Variants in WIPI1 observed in about 807,000 individuals in gnomAD.
WIPI1 encodes WD repeat domain, phosphoinositide interacting 1.
Under a neutral mutation model 55.3 loss-of-function variants are expected in WIPI1, and 45 were observed. The ratio of observed to expected loss-of-function variants is 0.81; its 90% confidence interval spans 0.64 to 1.04. The LOEUF is 1.04. Among genes scored for constraint, WIPI1 ranks in the 50% least tolerant of loss-of-function variants. The pLI is 0.00. For synonymous variants in WIPI1, 195 were observed against 217.6 expected, an observed-to-expected ratio of 0.90 and a Z score of 0.92; for missense variants, 445 against 559.0, an observed-to-expected ratio of 0.80 and a Z score of 2.06.
rs369622974 is a variant in WIPI1 at position 68,426,047 on chromosome 17, C to T, written c.1293+28G>A. ...TTCCTTCTAAGCACACAGACTGAGC[C>T]GCCCAGTTACGGGTTCCTAATGCTC... On this transcript the variant is annotated intron_variant, in intron 12 of 12. Coordinates refer to ENST00000262139, the MANE Select transcript of WIPI1 (RefSeq NM_017983.7). The T allele has an allele frequency of 9.5e-5, 152 of 1,596,166 alleles. 1 individual carries two copies. Among genetic ancestry groups the T allele is most frequent in the African/African-American group, 8.4e-4 (63 of 74,652 alleles).
chr17:68,428,552 AC>A, intron 10 of WIPI1: 1 of 286,364 alleles, frequency 3.5e-6, no homozygotes, highest in Non-Finnish European at 6.7e-6. Context: ...ATTTTTGAAC[AC>A]CCACTGTGAG....
chr17:68,428,265 CTG>C (rs1350989466), intron 10 of WIPI1: 1 of 151,052 alleles, frequency 6.6e-6, no homozygotes, highest in African/African-American at 2.5e-5. Context: ...GGGTCTCACT[CTG>C]TTGTCCAGGC....
chr17:68,424,413 G>A (rs757919596), intron 12 of WIPI1: 9 of 533,680 alleles, frequency 1.7e-5, no homozygotes, highest in East Asian at 1.1e-4. Context: ...ACGGATCTGC[G>A]GGAGAAAGAA....
Position 68,435,715 on chromosome 17 carries a change from G to C in WIPI1, c.529-3C>G. ...GCAGCAATAGTGCAGACTGTTTTCT[G>C]TTGGTGAAAAGGAAAAATGGATACA... On this transcript the variant is annotated splice_polypyrimidine_tract_variant and splice_region_variant and intron_variant, in intron 5 of 12. Coordinates refer to ENST00000262139, the MANE Select transcript of WIPI1 (RefSeq NM_017983.7). 6.2e-7 allele frequency: 1 copy of C among 1,614,154 alleles called. No individual in the cohort carries two copies. Among genetic ancestry groups the C allele is most frequent in the South Asian group, 1.1e-5 (1 of 91,086 alleles).
chr17:68,431,277 C>T (rs951815587), intron 8 of WIPI1, among the ~76,000 whole-genome samples: 1 of 152,182 alleles, frequency 6.6e-6, no homozygotes, highest in African/African-American at 2.4e-5. Flanking sequence ...TTAACGTTTC[C>T]GTGTCCAGAT....
chr17:68,437,083 A>T (rs749650514), intron 4 of WIPI1, among the ~76,000 whole-genome samples: 26 of 151,572 alleles, frequency 1.7e-4, no homozygotes, highest in Non-Finnish European at 3.1e-4. Context: ...CTGAAACAGC[A>T]TCTACTTTTC....
chr17:68,433,330 A>G, intron 8 of WIPI1, 138 bp downstream of exon 8: 1 of 808,712 alleles, frequency 1.2e-6, no homozygotes, highest in South Asian at 1.8e-5. Context: ...GCTAACACAC[A>G]CTCCATCACT....
rs142851925 is a variant in WIPI1, at chr17:68,430,708, C to T, written c.801-548G>A. On this transcript the variant is annotated intron_variant, in intron 8 of 12. Coordinates refer to ENST00000262139, the MANE Select transcript of WIPI1 (RefSeq NM_017983.7). ...GATCATGCAAAGGGACCTGGGATGT[C>T]GCCTACAGTCATGGAACTTCATCCC... is the stretch of plus-strand genomic sequence containing the variant. 1.8e-3 allele frequency among the ~76,000 whole-genome samples: 272 copies of T among 152,308 alleles called. 1 individual carries two copies. Among genetic ancestry groups the T allele is most frequent in the African/African-American group, 5.7e-3 (235 of 41,572 alleles).
intron 8 of WIPI1, 136 bp from the exon 9 acceptor site, chr17:68,430,296 A>G: frequency 1.2e-6 from 1 of 812,500 alleles, no homozygotes; most frequent in Non-Finnish European, 1.9e-6. Context: ...TGTTCTGCCC[A>G]CTGAGAACAA....
chr17:68,425,498 G>A (rs2083109282), intron 12 of WIPI1, among the ~76,000 whole-genome samples: 1 of 151,534 alleles, frequency 6.6e-6, no homozygotes, highest in Middle Eastern at 3.2e-3. Context: ...TGGGATTACA[G>A]GTGTGAGCCA....
intron 5 of WIPI1, 34 bp downstream of exon 5, chr17:68,436,348 G>C (rs1180910679): frequency 6.3e-7 from 1 of 1,589,590 alleles, no homozygotes. Context: ...GCCAAGGCAG[G>C]TGGGTTGGCT....
intron 3 of WIPI1, among the ~76,000 whole-genome samples, chr17:68,445,166 C>T (rs541742798): frequency 1.3e-5 from 2 of 152,156 alleles, no homozygotes; most frequent in African/African-American, 2.4e-5. Flanking sequence ...GTGATCTGCC[C>T]GCCTCGGCCT....
In WIPI1 at chr17:68,435,593, C is replaced by G. The variant is rs749043733; in HGVS notation, c.621+27G>C. 6 of 1,610,598 alleles carry G rather than the reference C, an allele frequency of 3.7e-6. No individual in the cohort carries two copies. In the South Asian group the frequency reaches 5.5e-5, roughly 15 times the overall value. On this transcript the variant is annotated intron_variant, in intron 6 of 12. Transcript: ENST00000262139. ...CAGGAGCCATCCAGCGAAACCCAGA[C>G]AGAGGTGTTGGTGGGAGTGGACTCA... is the stretch of plus-strand genomic sequence containing the variant.
At chr17:68,447,864 G>A (rs1368001489) in intron 3 of WIPI1, among the ~76,000 whole-genome samples, 1 of 151,684 alleles carries the variant, frequency 6.6e-6, no homozygotes, top group Non-Finnish European at 1.5e-5. Flanking sequence ...GTGGTGGCAG[G>A]TGCTTGTAGT....
chr17:68,450,783 T>G lies in WIPI1; in HGVS notation c.278A>C (p.Glu93Ala), dbSNP rs1199029145. The change falls in exon 3 of 13, where the codon GAG (glutamate) becomes GCG (alanine). Residue 93 changes from glutamate (E) to alanine (A), a missense_variant. Glu to Ala is a moderately radical substitution (Grantham distance 107). Coordinates refer to ENST00000262139, the MANE Select transcript of WIPI1 (RefSeq NM_017983.7). Reference sequence around the variant, plus strand: ...GCTGGAGTAGCTGTAATTACAGATCTCTGTGCCTTTCTTGAAGTGATACAC... The same window carrying G: ...GCTGGAGTAGCTGTAATTACAGATCGCTGTGCCTTTCTTGAAGTGATACAC... The part of the protein sequence containing the change: ...MNVYHFKKGT[E>A]ICNYSYSSNI... The G allele has an allele frequency of 6.2e-7, 1 of 1,613,916 alleles. No homozygotes were observed.
At chr17:68,440,075 C>G (rs557517541) in intron 4 of WIPI1, among the ~76,000 whole-genome samples, 3 of 152,276 alleles carry the variant, frequency 2.0e-5, no homozygotes, top group Admixed American at 2.0e-4. Flanking sequence ...ACACTAGATG[C>G]TAACAAGAAA....
intron 4 of WIPI1, among the ~76,000 whole-genome samples, chr17:68,441,830 G>T (rs1266508062): frequency 6.6e-6 from 1 of 152,192 alleles, no homozygotes; most frequent in Non-Finnish European, 1.5e-5. Context: ...TTATAAACGT[G>T]AGCATTTAAA....
At chr17:68,445,734 G>A (rs954620952) in intron 3 of WIPI1, among the ~76,000 whole-genome samples, 5 of 152,246 alleles carry the variant, frequency 3.3e-5, no homozygotes, top group Non-Finnish European at 7.3e-5. Flanking sequence ...CCCAGTACAA[G>A]GGCAGACATC....
At chr17:68,444,263 G>A (rs2084195313) in intron 4 of WIPI1, among the ~76,000 whole-genome samples, 1 of 152,182 alleles carries the variant, frequency 6.6e-6, no homozygotes, top group South Asian at 2.1e-4. Context: ...CCCAGACAAA[G>A]GGTGTTGTTA....
Sources: gnomAD v4.1 joint callset for allele counts (sites outside exome capture counted in the v4.1 genomes callset) on GRCh38, gnomAD v4.1.1 for gene constraint, MANE v1.5 for transcripts, NCBI Gene and HGNC (gene_info 2026-07-23, HGNC 2026-07-21) for gene names.